The following HTT-AS variants were observed in gnomAD, a reference collection of about 807,000 sequenced individuals.
HTT-AS encodes HTT antisense RNA, also known as HTT antisense RNA (head to head).
At chr4:3,049,962 T>C in intron 2 of HTT-AS, among the ~76,000 whole-genome samples, 1 of 114,236 alleles carries the variant, frequency 8.8e-6, no homozygotes, top group Admixed American at 9.6e-5. Flanking sequence ...ACACTTTTTT[T>C]TTTTTGAGAT....
intron 1 of HTT-AS, among the ~76,000 whole-genome samples, chr4:3,067,744 C>T (rs1461008720): frequency 5.3e-5 from 8 of 152,256 alleles, no homozygotes; most frequent in East Asian, 3.9e-4. Flanking sequence ...GGGGGATCTG[C>T]GTTCCAGAAC....
At chr4:3,070,732 C>T (rs1254616499) in intron 1 of HTT-AS, among the ~76,000 whole-genome samples, 1 of 152,210 alleles carries the variant, frequency 6.6e-6, no homozygotes, top group Admixed American at 6.5e-5. Context: ...TAATGACTGC[C>T]TGTGGCTATG....
At chr4:3,055,836 T>C (rs1175089398) in intron 2 of HTT-AS, among the ~76,000 whole-genome samples, 1 of 152,190 alleles carries the variant, frequency 6.6e-6, no homozygotes, top group Non-Finnish European at 1.5e-5. Context: ...TTACACCCCC[T>C]GCAATATTAC....
In HTT-AS at chr4:3,050,148, G is replaced by A. The variant is rs370201864; in HGVS notation, n.1381-450C>T. Reference sequence around the variant, plus strand: ...AGGACTCAGGAAGGACAAGGTGGCCGTCCTGGTTCTCCGTGAGTCCATACT... The same window carrying A: ...AGGACTCAGGAAGGACAAGGTGGCCATCCTGGTTCTCCGTGAGTCCATACT... On this transcript the variant is annotated intron_variant and non_coding_transcript_variant, in intron 2 of 2. Transcript: ENST00000664062. Among the ~76,000 whole-genome samples, 19 of 152,252 alleles carry A rather than the reference G, an allele frequency of 1.2e-4. No individual in the cohort carries two copies. In the East Asian group the frequency reaches 2.3e-3, roughly 19 times the overall value.
At chr4:3,055,910 G>C (rs965376939) in intron 2 of HTT-AS, among the ~76,000 whole-genome samples, 1 of 152,126 alleles carries the variant, frequency 6.6e-6, no homozygotes, top group African/African-American at 2.4e-5. Flanking sequence ...GATCCAGGCC[G>C]GTTAATTACC....
chr4:3,054,138 G>A (rs781515414), intron 2 of HTT-AS, among the ~76,000 whole-genome samples: 9 of 151,726 alleles, frequency 5.9e-5, no homozygotes, highest in South Asian at 2.1e-4. Context: ...TTAGATTCTA[G>A]ATAAGGCCTG....
intron 1 of HTT-AS, among the ~76,000 whole-genome samples, chr4:3,072,158 T>C (rs1712187928): frequency 6.6e-6 from 1 of 152,252 alleles, no homozygotes; most frequent in Non-Finnish European, 1.5e-5. Context: ...TTCAGTCAAA[T>C]ACCAGCTGCC....
intron 1 of HTT-AS, among the ~76,000 whole-genome samples, chr4:3,065,253 T>C (rs1378021487): frequency 2.0e-5 from 3 of 152,178 alleles, no homozygotes; most frequent in East Asian, 3.9e-4. Flanking sequence ...TTCTTTTTTT[T>C]TTTTGAGACG....
chr4:3,062,327 G>A (rs1257449144), intron 2 of HTT-AS, among the ~76,000 whole-genome samples: 1 of 152,142 alleles, frequency 6.6e-6, no homozygotes, highest in African/African-American at 2.4e-5. Flanking sequence ...AGCATGCCCG[G>A]CCTAGTCTAC....
At chr4:3,048,308 T>A (rs1488941586), downstream of HTT-AS, among the ~76,000 whole-genome samples, 1 of 152,216 alleles carries the variant, frequency 6.6e-6, no homozygotes, top group Non-Finnish European at 1.5e-5. Context: ...ACGTCATTCA[T>A]AGGTTACGGT....
intron 1 of HTT-AS, among the ~76,000 whole-genome samples, chr4:3,071,160 A>G (rs1423835980): frequency 6.6e-6 from 1 of 152,160 alleles, no homozygotes; most frequent in Non-Finnish European, 1.5e-5. Context: ...GGGTTGGAAT[A>G]ATTTGGTTTG....
chr4:3,048,428 C>T (rs1179499020), downstream of HTT-AS, among the ~76,000 whole-genome samples: 1 of 152,130 alleles, frequency 6.6e-6, no homozygotes, highest in African/African-American at 2.4e-5. Context: ...TGAGAGAATG[C>T]AGCGCACCAG....
At chr4:3,062,010 AAAAG>A (rs1711936239) in intron 2 of HTT-AS, among the ~76,000 whole-genome samples, 1 of 146,370 alleles carries the variant, frequency 6.8e-6, no homozygotes, top group South Asian at 2.1e-4. Flanking sequence ...AAAAAAAAAA[AAAAG>A]AGAGAGAGAA....
chr4:3,047,050 G>A (rs1244446300), downstream of HTT-AS, among the ~76,000 whole-genome samples: 3 of 152,178 alleles, frequency 2.0e-5, no homozygotes, highest in East Asian at 1.9e-4. Flanking sequence ...AGTGGCTTAC[G>A]CCTATAATCC....
chr4:3,063,039 C>G (rs1711973688), exon 2 of HTT-AS, among the ~76,000 whole-genome samples: 1 of 152,020 alleles, frequency 6.6e-6, no homozygotes, highest in African/African-American at 2.4e-5. Context: ...GGGGTTGGAG[C>G]CTTTAGTAGG....
intron 2 of HTT-AS, among the ~76,000 whole-genome samples, chr4:3,051,839 G>A (rs937230630): frequency 4.0e-5 from 6 of 151,842 alleles, no homozygotes; most frequent in African/African-American, 7.3e-5. Flanking sequence ...CTTGCTCGCC[G>A]CTCAAGATGG....
At chr4:3,054,697 CA>C (rs1711774105) in intron 2 of HTT-AS, among the ~76,000 whole-genome samples, 1 of 151,446 alleles carries the variant, frequency 6.6e-6, no homozygotes, top group Non-Finnish European at 1.5e-5. Context: ...AGTAAAAGCA[CA>C]ACAGGGTTTT....
downstream of HTT-AS, among the ~76,000 whole-genome samples, chr4:3,047,730 C>T (rs56229383): frequency 0.018 from 2,741 of 152,304 alleles, 78 homozygotes; most frequent in African/African-American, 0.063. Flanking sequence ...CAGTCAGGCC[C>T]GCCCACAGCC....
chr4:3,072,370 A>G (rs1244199137), intron 1 of HTT-AS, among the ~76,000 whole-genome samples: 1 of 152,272 alleles, frequency 6.6e-6, no homozygotes, highest in African/African-American at 2.4e-5. Context: ...AGAAGGCAAC[A>G]GAGAGGGCCA....
Sources: allele counts gnomAD v4.1 joint callset (sites outside exome capture counted in the v4.1 genomes callset), GRCh38; gene constraint gnomAD v4.1.1; transcripts MANE v1.5; gene names NCBI Gene and HGNC (gene_info 2026-07-23, HGNC 2026-07-21).